CFAP99: variants seen among roughly 807,000 people sequenced by gnomAD.
CFAP99 encodes the protein cilia- and flagella-associated protein 99.
A neutral mutation model predicts 82.7 loss-of-function variants in CFAP99; 84 were observed. That is an observed-to-expected ratio of 1.02 (90% CI 0.85 to 1.22). The LOEUF is 1.22. CFAP99 is among the 50% of genes most tolerant of loss of function. CFAP99 has a pLI of 0.00. For missense variants in CFAP99, 1,059 were observed against 983.5 expected, an observed-to-expected ratio of 1.08 and a Z score of -1.03; for synonymous variants, 456 against 429.5, an observed-to-expected ratio of 1.06 and a Z score of -0.76.
Position 2,449,552 on chromosome 4 carries a change from C to T in CFAP99, c.643-118C>T, listed in dbSNP as rs554435114. On this transcript the variant is annotated intron_variant, in intron 6 of 14. Transcript: ENST00000635017. ...CTCCAGCCCTGTTTCTCCTCCAATG[C>T]AGGCCGCCACCACCCTCCCCTTCAC... 4.7e-5 allele frequency: 41 copies of T among 869,926 alleles called. No individual in the cohort carries two copies. In the East Asian group the frequency reaches 6.9e-4, roughly 15 times the overall value. The allele number at this position is 869,926 out of a possible 1,614,324, so 53.9% of individuals were successfully genotyped here.
At chr4:2,438,005 G>A (rs932136619) in intron 3 of CFAP99, 65 bp from the exon 4 acceptor site, 206 of 979,490 alleles carry the variant, frequency 2.1e-4, no homozygotes, top group Non-Finnish European at 2.9e-4. Flanking sequence ...CTTCGGCTCC[G>A]GTCCCGCCGT....
rs148952727 is a variant in CFAP99, at chr4:2,460,973, G to A, written c.1661+731G>A. Among the ~76,000 whole-genome samples, 1,139 of 152,236 alleles carry A rather than the reference G, an allele frequency of 7.5e-3. 12 individuals are homozygous for A. Among genetic ancestry groups the A allele is most frequent in the African/African-American group, 0.024 (976 of 41,532 alleles). On this transcript the variant is annotated intron_variant, in intron 14 of 14. Coordinates refer to ENST00000635017, the Ensembl canonical transcript of CFAP99. ...AAGATGGTCTCGAACTCCTGACCTC[G>A]TGATCTGCCCGCCTTGGCCTCCCAA...
At chr4:2,420,755 C>T (rs765760551) in intron 1 of CFAP99, among the ~76,000 whole-genome samples, 2 of 151,780 alleles carry the variant, frequency 1.3e-5, no homozygotes, top group Non-Finnish European at 1.5e-5. Flanking sequence ...TATGGCAGCC[C>T]TAAAGTCCTC....
At chr4:2,435,657 C>T (rs942273920) in intron 2 of CFAP99, among the ~76,000 whole-genome samples, 1 of 152,152 alleles carries the variant, frequency 6.6e-6, no homozygotes, top group Non-Finnish European at 1.5e-5. Flanking sequence ...GACACAATGG[C>T]TCACGCTTGT....
chr4:2,457,635 G>T lies in CFAP99; in HGVS notation c.1162-1088G>T, dbSNP rs144856704. Among the ~76,000 whole-genome samples, 1,233 of 152,170 alleles carry T rather than the reference G, an allele frequency of 8.1e-3. 18 individuals carry two copies. The highest frequency in any genetic ancestry group is 0.013 in the Non-Finnish European group (877 of 68,018). On this transcript the variant is annotated intron_variant, in intron 11 of 14. Transcript: ENST00000635017. The stretch of plus-strand genomic sequence containing the variant: ...CAGGCTGATCTCTCTGCTGCTTACT[G>T]CCTGGAAACCCTCTCCTTACTGTGA...
chr4:2,443,685 G>A (rs1734102100), intron 5 of CFAP99, among the ~76,000 whole-genome samples: 2 of 152,170 alleles, frequency 1.3e-5, no homozygotes, highest in South Asian at 2.1e-4. Context: ...GGTGGAGGGA[G>A]CTGAGGAAGC....
chr4:2,453,318 C>G (rs1254961525), intron 11 of CFAP99, among the ~76,000 whole-genome samples: 1 of 152,218 alleles, frequency 6.6e-6, no homozygotes, highest in East Asian at 1.9e-4. Flanking sequence ...ATGTGCAAGA[C>G]TTTCACCTTT....
chr4:2,447,354 GTGGA>G (rs1209758275), intron 6 of CFAP99, among the ~76,000 whole-genome samples: 2 of 151,378 alleles, frequency 1.3e-5, no homozygotes, highest in South Asian at 2.1e-4. Flanking sequence ...GGGTGGATGG[GTGGA>G]TGGATGGATG....
At chr4:2,458,729 A>C in exon 12 of CFAP99, 1 of 1,533,612 alleles carries the variant, frequency 6.5e-7, no homozygotes, top group Non-Finnish European at 8.7e-7. Flanking sequence ...GCAGATGGCC[A>C]AGCTGATGCT....
At chr4:2,433,441 G>T (rs1212120838) in intron 2 of CFAP99, among the ~76,000 whole-genome samples, 2 of 151,724 alleles carry the variant, frequency 1.3e-5, no homozygotes, top group Admixed American at 6.6e-5. Flanking sequence ...GGGGGGACCA[G>T]TGCCCTCGGT....
chr4:2,445,899 G>A (rs1051234097), intron 6 of CFAP99, among the ~76,000 whole-genome samples: 8 of 152,150 alleles, frequency 5.3e-5, no homozygotes, highest in Non-Finnish European at 1.2e-4. Context: ...GAGGACACCT[G>A]GGGCCAAGTA....
chr4:2,436,995 G>A lies in CFAP99; in HGVS notation c.233G>A (p.Arg78Gln), dbSNP rs550625115. Residue 78 changes from arginine (R) to glutamine (Q), a missense_variant, in exon 3 of 15, where the codon CGG becomes CAG. Physicochemically the swap from Arg to Gln is conservative, Grantham distance 43. Transcript: ENST00000635017. ...GTGGAGGATGGCCGACTCTGCCTGCGGGTTGACCACAGCCGCTTCGAGGGT... is the reference window on the plus strand; with the variant it reads ...GTGGAGGATGGCCGACTCTGCCTGCAGGTTGACCACAGCCGCTTCGAGGGT... 90 of 1,536,062 alleles carry A rather than the reference G, an allele frequency of 5.9e-5. No homozygotes were observed. In the African/African-American group the frequency reaches 1.0e-3, roughly 17 times the overall value.
At chr4:2,437,655 C>A (rs1733947021) in intron 3 of CFAP99, among the ~76,000 whole-genome samples, 1 of 152,200 alleles carries the variant, frequency 6.6e-6, no homozygotes, top group Non-Finnish European at 1.5e-5. Flanking sequence ...CCAGCTGGAG[C>A]CTTATGATGC....
intron 11 of CFAP99, among the ~76,000 whole-genome samples, chr4:2,455,251 G>A (rs557024734): frequency 1.3e-5 from 2 of 152,370 alleles, no homozygotes; most frequent in South Asian, 2.1e-4. Context: ...GATTGTTGCA[G>A]ATTGCTTTTT....
In CFAP99 at chr4:2,462,557, G is replaced by T; in HGVS notation, c.1776G>T (p.Ala592=). 6.8e-7 allele frequency: 1 copy of T among 1,460,004 alleles called. No individual in the cohort carries two copies. Among genetic ancestry groups the T allele is most frequent in the Non-Finnish European group, 9.0e-7 (1 of 1,112,344 alleles). 90.4% of individuals were successfully genotyped at this position (1,460,004 alleles called of 1,614,324 possible). The change falls in exon 15 of 15, where the codon GCG becomes GCT. Residue 592 remains alanine (A), a synonymous_variant. Coordinates refer to ENST00000635017, the Ensembl canonical transcript of CFAP99. The surrounding 1 kb of genome is among the most constrained non-coding windows in gnomAD (Gnocchi z 4.1). ...GGGCGGCCGAGCGCAGCAGGCAGGC[G>T]GCCTTGCTGCACGTGTCGGCGCCGC...
chr4:2,442,682 G>A lies in CFAP99; in HGVS notation c.352-448G>A, dbSNP rs149907956. On this transcript the variant is annotated intron_variant, in intron 4 of 14. Transcript: ENST00000635017. ...CCAACTGGCTTTCGGGAAGTTGACT[G>A]GACAAGGCCCTCCAAGCTGAGGATG... Among the ~76,000 whole-genome samples, 757 of 152,286 alleles carry A rather than the reference G, an allele frequency of 5.0e-3. 6 individuals are homozygous for A. The highest frequency in any genetic ancestry group is 0.017 in the African/African-American group (714 of 41,560).
rs1042530636 is a variant in CFAP99 at position 2,462,306 on chromosome 4, T to C, written c.1662-137T>C. On this transcript the variant is annotated intron_variant, in intron 14 of 14. Transcript: ENST00000635017. This position sits in a 1 kb window ranked among gnomAD's most constrained non-coding sequence, Gnocchi z 4.1. ...GCGCCGCGGCCCCTGGGCCTCGCTG[T>C]CTGTCCTAAATCATTCCGGTGAACC... 3.0e-5 allele frequency: 25 copies of C among 846,472 alleles called. No individual in the cohort carries two copies. The African/African-American group carries it at 4.4e-4, about 15-fold the overall frequency. The allele number at this position is 846,472 out of a possible 1,614,324, so 52.4% of individuals were successfully genotyped here.
At chr4:2,444,480 C>T (rs1309115979) in intron 5 of CFAP99, among the ~76,000 whole-genome samples, 2 of 152,332 alleles carry the variant, frequency 1.3e-5, no homozygotes, top group East Asian at 3.9e-4. Context: ...TGAAGCCATG[C>T]CCTCTGCCCC....
At chr4:2,454,589 T>C (rs1351335293) in intron 11 of CFAP99, among the ~76,000 whole-genome samples, 1 of 146,930 alleles carries the variant, frequency 6.8e-6, no homozygotes, top group East Asian at 1.9e-4. Context: ...TTCTTTTTTT[T>C]TTTTGTTTTT....
Sources: gnomAD v4.1 joint callset for allele counts (sites outside exome capture counted in the v4.1 genomes callset) on GRCh38, gnomAD v4.1.1 for gene constraint, Gnocchi (gnomAD v3.1) non-coding constraint, MANE v1.5 for transcripts, NCBI Gene and HGNC (gene_info 2026-07-23, HGNC 2026-07-21) for gene names.